Variants in KCNE2 observed in about 807,000 individuals in gnomAD.
KCNE2 encodes the protein potassium voltage-gated channel subfamily E member 2.
KCNE2 carries 4 observed loss-of-function variants against 4.5 expected under a neutral mutation model. The observed-to-expected ratio is 0.89, with a 90% CI of 0.44 to 2.03. The LOEUF (loss-of-function observed/expected upper bound fraction) is 2.03, where lower values mean the gene tolerates loss of function less well. Among genes scored for constraint, KCNE2 ranks in the 30% most tolerant of loss-of-function variants. KCNE2 has a pLI of 0.03. For missense variants in KCNE2, 137 were observed against 151.4 expected, an observed-to-expected ratio of 0.90 and a Z score of 0.50; for synonymous variants, 57 against 55.9, an observed-to-expected ratio of 1.02 and a Z score of -0.09.
At chr21:34,364,186 A>G (rs1979198254) in intron 1 of KCNE2, 35 bp downstream of exon 1, 1 of 152,198 alleles carries the variant, frequency 6.6e-6, no homozygotes, top group Admixed American at 6.5e-5. Flanking sequence ...TTTTTTGAGG[A>G]ATTAAGTAAC....
rs41314709 is a variant in KCNE2 at position 34,371,293 on chromosome 21, C to G, written c.*443C>G. 7.3e-3 allele frequency: 1,700 copies of G among 231,632 alleles called. 35 individuals carry two copies. The highest frequency in any genetic ancestry group is 0.037 in the African/African-American group (1,613 of 43,168). The allele number at this position is 231,632 out of a possible 1,614,324, so 14.3% of individuals were successfully genotyped here. On this transcript the variant is annotated 3_prime_UTR_variant, in exon 2 of 2. Transcript: ENST00000290310. ...AGAAGCTGAGGCTCAAAAGCTATCA[C>G]TTGCTTACCAGACGGACATAGGAGC...
rs1330649854 is a variant in KCNE2 at position 34,370,460 on chromosome 21, A to G, written c.-12-7A>G. 1 of 1,614,212 alleles carries G rather than the reference A, an allele frequency of 6.2e-7. No individual in the cohort carries two copies. Among genetic ancestry groups the G allele is most frequent in the Non-Finnish European group, 8.5e-7 (1 of 1,180,030 alleles). On this transcript the variant is annotated splice_polypyrimidine_tract_variant and splice_region_variant and intron_variant, in intron 1 of 1. Transcript: ENST00000290310. The stretch of plus-strand genomic sequence containing the variant: ...CTTGTTCGCCTATTTTATTATTTAA[A>G]TTGCAGCAGGAGGGAAGCATGTCTA...
intron 1 of KCNE2, among the ~76,000 whole-genome samples, chr21:34,366,766 T>G (rs1979314280): frequency 6.7e-6 from 1 of 150,206 alleles, no homozygotes; most frequent in African/African-American, 2.5e-5. Flanking sequence ...GATCACGAGG[T>G]CAGGAGATCG....
chr21:34,370,145 T>A (rs190924668), intron 1 of KCNE2, among the ~76,000 whole-genome samples: 1 of 152,120 alleles, frequency 6.6e-6, no homozygotes. Flanking sequence ...AACATTCTGA[T>A]CTATGTACTT....
chr21:34,368,397 G>A (rs1410310916), intron 1 of KCNE2, among the ~76,000 whole-genome samples: 7 of 151,488 alleles, frequency 4.6e-5, no homozygotes, highest in African/African-American at 1.2e-4. Flanking sequence ...TCACGAGATC[G>A]AGACCATCCT....
intron 1 of KCNE2, among the ~76,000 whole-genome samples, chr21:34,370,202 G>T (rs1301517215): frequency 6.6e-6 from 1 of 151,962 alleles, no homozygotes; most frequent in Non-Finnish European, 1.5e-5. Flanking sequence ...TTATTTACAT[G>T]CATATATAAA....
intron 1 of KCNE2, 94 bp from the exon 2 acceptor site, chr21:34,370,372 AT>A: frequency 7.0e-7 from 1 of 1,423,782 alleles, no homozygotes. Flanking sequence ...ACTATTACTT[AT>A]ACCCTGGCAT....
chr21:34,366,360 G>T (rs1011932678), intron 1 of KCNE2, among the ~76,000 whole-genome samples: 2 of 150,268 alleles, frequency 1.3e-5, no homozygotes, highest in Non-Finnish European at 3.0e-5. Context: ...CTTTAACACC[G>T]CCCCTCCCCC....
intron 1 of KCNE2, among the ~76,000 whole-genome samples, chr21:34,366,794 A>T: frequency 6.6e-6 from 1 of 151,502 alleles, no homozygotes; most frequent in Non-Finnish European, 1.5e-5. Context: ...CCTGGCTAAC[A>T]TGGTGAAACC....
chr21:34,365,498 T>C (rs1022850719), intron 1 of KCNE2, among the ~76,000 whole-genome samples: 34 of 152,242 alleles, frequency 2.2e-4, no homozygotes, highest in Admixed American at 5.2e-4. Context: ...TGATCATGGC[T>C]TACTGCAGCC....
Position 34,370,825 on chromosome 21 carries a change from C to T in KCNE2, c.347C>T (p.Ala116Val), listed in dbSNP as rs199473367. 34 of 1,613,950 alleles carry T rather than the reference C, an allele frequency of 2.1e-5. No individual in the cohort carries two copies. Among genetic ancestry groups the T allele is most frequent in the Middle Eastern group, 1.7e-4 (1 of 6,026 alleles). Residue 116 changes from alanine to valine, a missense_variant, in exon 2 of 2, where the codon GCG becomes GTG. Transcript: ENST00000290310. ...SKATIHENIG[A>V]AGFKMSP ...GCCACCATCCATGAGAACATTGGTG[C>T]GGCTGGGTTCAAAATGTCCCCCTGA...
intron 1 of KCNE2, among the ~76,000 whole-genome samples, chr21:34,365,510 T>C (rs549216272): frequency 6.6e-6 from 1 of 152,312 alleles, no homozygotes; most frequent in Non-Finnish European, 1.5e-5. Context: ...ACTGCAGCCT[T>C]GACCTCCCAG....
intron 1 of KCNE2, among the ~76,000 whole-genome samples, chr21:34,368,288 A>ATATG (rs899924274): frequency 4.3e-5 from 6 of 139,592 alleles, no homozygotes; most frequent in Non-Finnish European, 9.1e-5. Context: ...TATGTTATAT[A>ATATG]TATGTATGTA....
At chr21:34,366,389 C>T (rs900378988) in intron 1 of KCNE2, among the ~76,000 whole-genome samples, 1 of 151,956 alleles carries the variant, frequency 6.6e-6, no homozygotes, top group East Asian at 1.9e-4. Flanking sequence ...TTCCCACACC[C>T]CTTAAGAATA....
intron 1 of KCNE2, among the ~76,000 whole-genome samples, chr21:34,365,710 C>A (rs934290381): frequency 6.6e-6 from 1 of 152,244 alleles, no homozygotes; most frequent in Non-Finnish European, 1.5e-5. Context: ...CAGGTGTGAA[C>A]CACTGTGCCT....
chr21:34,371,260 T>A lies in KCNE2; in HGVS notation c.*410T>A, dbSNP rs924320016. On this transcript the variant is annotated 3_prime_UTR_variant, in exon 2 of 2. Coordinates refer to ENST00000290310, the MANE Select transcript of KCNE2 (RefSeq NM_172201.2). ...ATTCAATTTATAAATAACCCAGATGTATTATGTAGAAGCTGAGGCTCAAAA... is the reference window on the plus strand; with the variant it reads ...ATTCAATTTATAAATAACCCAGATGAATTATGTAGAAGCTGAGGCTCAAAA... 3.9e-6 allele frequency: 1 copy of A among 256,442 alleles called. No homozygotes were observed. Among genetic ancestry groups the A allele is most frequent in the Non-Finnish European group, 7.7e-6 (1 of 129,726 alleles). 15.9% of individuals were successfully genotyped at this position (256,442 alleles called of 1,614,324 possible). A position where few individuals can be genotyped will look rare whatever the true frequency, so the allele number is the denominator to read the frequency against.
intron 1 of KCNE2, among the ~76,000 whole-genome samples, chr21:34,368,226 CACAATA>C (rs1979400399): frequency 1.6e-5 from 1 of 63,224 alleles, no homozygotes; most frequent in Non-Finnish European, 2.8e-5. Context: ...CACACACACA[CACAATA>C]TATATATATA....
intron 1 of KCNE2, among the ~76,000 whole-genome samples, chr21:34,365,191 T>G (rs1425507865): frequency 6.6e-6 from 1 of 152,150 alleles, no homozygotes; most frequent in Non-Finnish European, 1.5e-5. Context: ...CAAACCAGCC[T>G]AAATGATCTC....
Position 34,370,739 on chromosome 21 carries a change from C to T in KCNE2, c.261C>T (p.Tyr87=), listed in dbSNP as rs587781005. The T allele has an allele frequency of 3.7e-6, 6 of 1,614,032 alleles. No homozygotes were observed. In the East Asian group the frequency reaches 8.9e-5, roughly 24 times the overall value. ...ACTCCAATGACCCCTACCACCAGTA[C>T]ATTGTAGAGGACTGGCAGGAAAAGT... ...REHSNDPYHQ[Y]IVEDWQEKYK... The change falls in exon 2 of 2, where the codon TAC becomes TAT. Residue 87 remains tyrosine (Y), a synonymous_variant. Coordinates refer to ENST00000290310, the MANE Select transcript of KCNE2 (RefSeq NM_172201.2).
Sources: gnomAD v4.1 joint callset for allele counts (sites outside exome capture counted in the v4.1 genomes callset) on GRCh38, gnomAD v4.1.1 for gene constraint, MANE v1.5 for transcripts, NCBI Gene and HGNC (gene_info 2026-07-23, HGNC 2026-07-21) for gene names.